The following KSR1 variants were observed in gnomAD, a reference collection of about 807,000 sequenced individuals.
KSR1 encodes the protein kinase suppressor of ras 1.
In KSR1, 35 loss-of-function variants were observed where a neutral mutation model predicts 92.9. That is an observed-to-expected ratio of 0.38 (90% CI 0.29 to 0.50). The LOEUF (loss-of-function observed/expected upper bound fraction) is 0.50, where lower values mean the gene tolerates loss of function less well. KSR1 is among the 20% of genes least tolerant of loss of function. The pLI, the probability that KSR1 is intolerant of heterozygous loss-of-function variation, is 0.94. For synonymous variants in KSR1, 467 were observed against 472.6 expected (o/e 0.99, Z 0.15); for missense variants, 972 against 1,158.5 (o/e 0.84, Z 2.34).
chr17:27,574,495 C>G (rs985773331), intron 2 of KSR1, among the ~76,000 whole-genome samples: 2 of 152,154 alleles, frequency 1.3e-5, no homozygotes, highest in African/African-American at 4.8e-5. Flanking sequence ...GCCTACAGCC[C>G]TGAAGATTGA....
In KSR1 at chr17:27,609,267, C is replaced by T. The variant is rs763662483; in HGVS notation, c.2163C>T (p.Asn721=). 25 of 1,613,860 alleles carry T rather than the reference C, an allele frequency of 1.5e-5. No individual in the cohort carries two copies. The highest frequency in any genetic ancestry group is 8.9e-5 in the East Asian group (4 of 44,888). The change falls in exon 16 of 21, where the codon AAC becomes AAT. Residue 721 remains asparagine (N), a synonymous_variant. Coordinates refer to ENST00000644974, the MANE Select transcript of KSR1 (RefSeq NM_001394583.1). ...DLKSKNVFYD[N]GKVVITDFGL... is the part of the protein sequence containing the mutation. ...AATCTAAGAACGTCTTCTATGACAA[C>T]GGCAAGGTGGTCATCACAGACTTCG...
intron 1 of KSR1, among the ~76,000 whole-genome samples, chr17:27,518,572 G>A (rs2151015901): frequency 6.6e-6 from 1 of 152,262 alleles, no homozygotes; most frequent in South Asian, 2.1e-4. Context: ...ACTGTGTCGG[G>A]GAGCTCAGAG....
At chr17:27,515,730 A>G (rs539956138) in intron 1 of KSR1, among the ~76,000 whole-genome samples, 8 of 151,354 alleles carry the variant, frequency 5.3e-5, no homozygotes, top group Admixed American at 1.3e-4. Flanking sequence ...CTTTACTATA[A>G]TCTATGGATG....
Position 27,497,150 on chromosome 17 carries a change from T to C in KSR1, c.231+40276T>C, listed in dbSNP as rs571545087. On this transcript the variant is annotated intron_variant, in intron 1 of 20. Coordinates refer to ENST00000644974, the MANE Select transcript of KSR1 (RefSeq NM_001394583.1). ...CTCTTTCATTTCCACCTCTTTGCGA[T>C]ATGAGACAGCAGACGTTCCCAAAAA... is the stretch of plus-strand genomic sequence containing the variant. 4.6e-5 allele frequency among the ~76,000 whole-genome samples: 7 copies of C among 152,348 alleles called. No individual in the cohort carries two copies. In the South Asian group the frequency reaches 8.3e-4, roughly 18 times the overall value.
At chr17:27,542,463 G>A (rs2070999970) in intron 1 of KSR1, among the ~76,000 whole-genome samples, 1 of 152,192 alleles carries the variant, frequency 6.6e-6, no homozygotes, top group Admixed American at 6.5e-5. Context: ...CAAAGTCAGG[G>A]TTAGGGTGAC....
rs1281832831 is a variant in KSR1, at chr17:27,458,367, C to CG, written c.231+1494dup. 2.0e-5 allele frequency among the ~76,000 whole-genome samples: 3 copies of CG among 152,084 alleles called. No individual in the cohort carries two copies. In the East Asian group the frequency reaches 5.8e-4, roughly 29 times the overall value. On this transcript the variant is annotated intron_variant, in intron 1 of 20. Transcript: ENST00000644974. ...AGGGGTCGCTGTCTGGCAGAGTGTG[C>CG]GTGGTTGGACTTCGGTGTTGCTGGG...
Position 27,610,176 on chromosome 17 carries a change from G to A in KSR1, c.2335G>A (p.Ala779Thr). 1 of 1,614,006 alleles carries A rather than the reference G, an allele frequency of 6.2e-7. No homozygotes were observed. Among genetic ancestry groups the A allele is most frequent in the South Asian group, 1.1e-5 (1 of 91,082 alleles). ...CGAGGATCAGCTGCCATTCTCCAAA[G>A]CTGCTGATGTCTATGCATTTGGGTG... is the stretch of plus-strand genomic sequence containing the variant. Reference protein sequence around the residue: ...KDEDQLPFSKAADVYAFGTVW... With the variant: ...KDEDQLPFSKTADVYAFGTVW... The change falls in exon 17 of 21, where the codon GCT becomes ACT. Residue 779 changes from alanine (A) to threonine (T), a missense_variant. Transcript: ENST00000644974.
chr17:27,537,116 C>T (rs2070779177), intron 1 of KSR1, among the ~76,000 whole-genome samples: 1 of 152,216 alleles, frequency 6.6e-6, no homozygotes, highest in Non-Finnish European at 1.5e-5. Flanking sequence ...TACCCCCACC[C>T]TTACCTTGTG....
intron 2 of KSR1, among the ~76,000 whole-genome samples, chr17:27,554,457 A>G (rs1014394469): frequency 2.0e-5 from 3 of 152,194 alleles, no homozygotes; most frequent in African/African-American, 7.2e-5. Flanking sequence ...GAGTTCCGCC[A>G]GCTGTCAGAT....
chr17:27,524,026 T>A (rs1450171243), intron 1 of KSR1, among the ~76,000 whole-genome samples: 1 of 151,740 alleles, frequency 6.6e-6, no homozygotes, highest in Non-Finnish European at 1.5e-5. Flanking sequence ...AGATAGTGAG[T>A]TTGGGTACCT....
chr17:27,582,880 T>C lies in KSR1; in HGVS notation c.755T>C (p.Ile252Thr), dbSNP rs2072821720. Residue 252 changes from isoleucine to threonine, a missense_variant, in exon 4 of 21, where the codon ATT becomes ACT. By Grantham distance (89) the Ile-to-Thr change is moderately conservative. Around this residue, in one of 5 missense-constraint regions of KSR1, gnomAD observed 611 missense variants for 668.0 expected, o/e 0.91. Coordinates refer to ENST00000644974, the MANE Select transcript of KSR1 (RefSeq NM_001394583.1). Reference sequence around the variant, plus strand: ...AGTGAGGGCCTCTCAGACACCTGTATTCCCCTGCACGCCAGCGGCCGGCTG... The same window carrying C: ...AGTGAGGGCCTCTCAGACACCTGTACTCCCCTGCACGCCAGCGGCCGGCTG... ...SFSEGLSDTC[I>T]PLHASGRLTP... is the part of the protein sequence containing the mutation. 6.2e-7 allele frequency: 1 copy of C among 1,613,050 alleles called. No individual in the cohort carries two copies. Among genetic ancestry groups the C allele is most frequent in the Non-Finnish European group, 8.5e-7 (1 of 1,179,562 alleles).
intron 1 of KSR1, among the ~76,000 whole-genome samples, chr17:27,495,506 T>C (rs2068954482): frequency 6.6e-6 from 1 of 152,118 alleles, no homozygotes; most frequent in African/African-American, 2.4e-5. Context: ...CTTAGTATCC[T>C]TGGGATATAG....
At chr17:27,503,866 G>A (rs769725160) in intron 1 of KSR1, among the ~76,000 whole-genome samples, 73 of 152,294 alleles carry the variant, frequency 4.8e-4, no homozygotes, top group Non-Finnish European at 8.1e-4. Context: ...GTCAACTCAC[G>A]ATGAACACGT....
intron 2 of KSR1, among the ~76,000 whole-genome samples, chr17:27,575,420 C>T (rs1445189111): frequency 6.6e-6 from 1 of 152,152 alleles, no homozygotes; most frequent in Non-Finnish European, 1.5e-5. Flanking sequence ...CATGCTAATG[C>T]ATTATAATGA....
chr17:27,470,150 G>C (rs1393831817), intron 1 of KSR1, among the ~76,000 whole-genome samples: 1 of 151,452 alleles, frequency 6.6e-6, no homozygotes, highest in East Asian at 1.9e-4. Context: ...GCACCTTCCA[G>C]ATTCAAGTGA....
At chr17:27,471,312 T>C (rs1206019836) in intron 1 of KSR1, among the ~76,000 whole-genome samples, 1 of 152,122 alleles carries the variant, frequency 6.6e-6, no homozygotes, top group Non-Finnish European at 1.5e-5. Context: ...CAGACAGACG[T>C]GCTCTCAGAA....
intron 18 of KSR1, 34 bp from the exon 19 acceptor site, chr17:27,617,261 G>A: frequency 6.3e-7 from 1 of 1,584,648 alleles, no homozygotes; most frequent in Non-Finnish European, 8.6e-7. Context: ...CTCCCAGCCA[G>A]CTCACACACC....
chr17:27,495,549 G>A (rs1014578541), intron 1 of KSR1, among the ~76,000 whole-genome samples: 1 of 152,176 alleles, frequency 6.6e-6, no homozygotes, highest in African/African-American at 2.4e-5. Context: ...GGAGTTGGGC[G>A]ACAGGAGGGA....
At chr17:27,622,842 C>G (rs2074262760) in intron 20 of KSR1, 1 of 194,198 alleles carries the variant, frequency 5.1e-6, no homozygotes, top group African/African-American at 2.4e-5. Flanking sequence ...CTGCTGAACC[C>G]AGATCTCTGG....
Sources: gnomAD v4.1 joint callset for allele counts (sites outside exome capture counted in the v4.1 genomes callset) on GRCh38, gnomAD v4.1.1 for gene constraint, gnomAD v4.1.1 regional missense constraint, MANE v1.5 for transcripts, NCBI Gene and HGNC (gene_info 2026-07-23, HGNC 2026-07-21) for gene names.